CNTN3: variants seen among roughly 807,000 people sequenced by gnomAD.
CNTN3 encodes contactin-3.
CNTN3 carries 60 observed loss-of-function variants against 119.1 expected under a neutral mutation model. The ratio of observed to expected loss-of-function variants is 0.50; its 90% CI spans 0.41 to 0.62. The LOEUF (loss-of-function observed/expected upper bound fraction) is 0.62, where lower values mean the gene tolerates loss of function less well. Among genes scored for constraint, CNTN3 ranks in the 20% least tolerant of loss-of-function variants. The pLI, the probability that CNTN3 is intolerant of heterozygous loss-of-function variation, is 0.00. For synonymous variants in CNTN3, 450 were observed against 438.7 expected (o/e 1.03, Z -0.32); for missense variants, 1,101 against 1,242.4 (o/e 0.89, Z 1.71).
intron 4 of CNTN3, among the ~76,000 whole-genome samples, chr3:74,439,034 G>T (rs1182503730): frequency 6.6e-6 from 1 of 152,036 alleles, no homozygotes; most frequent in African/African-American, 2.4e-5. Context: ...CTGTGATCTG[G>T]CATTCAAAGA....
chr3:74,506,475 G>C (rs1703261955), intron 2 of CNTN3, among the ~76,000 whole-genome samples: 2 of 152,014 alleles, frequency 1.3e-5, no homozygotes, highest in Admixed American at 6.6e-5. Context: ...TTGGAGTCTT[G>C]GGAGATTAAA....
chr3:74,506,296 T>G (rs534472025), intron 2 of CNTN3, among the ~76,000 whole-genome samples: 1 of 152,306 alleles, frequency 6.6e-6, no homozygotes, highest in African/African-American at 2.4e-5. Context: ...AGAAGAGGAC[T>G]TGAGAGTACT....
At chr3:74,360,800 A>G (rs890169845) in intron 11 of CNTN3, among the ~76,000 whole-genome samples, 1 of 152,012 alleles carries the variant, frequency 6.6e-6, no homozygotes, top group East Asian at 1.9e-4. Context: ...GGTCTTTCTC[A>G]GGCTTCAGGT....
At chr3:74,544,145 T>C (rs1220968788) in intron 1 of CNTN3, among the ~76,000 whole-genome samples, 3 of 151,920 alleles carry the variant, frequency 2.0e-5, no homozygotes, top group African/African-American at 7.3e-5. Context: ...AGGCAGAAAA[T>C]ACATTGAGGC....
At chr3:74,479,321 A>G (rs1702719927) in intron 4 of CNTN3, among the ~76,000 whole-genome samples, 1 of 152,076 alleles carries the variant, frequency 6.6e-6, no homozygotes, top group Non-Finnish European at 1.5e-5. Context: ...TGCAAAAGTA[A>G]CTGTGTTTTT....
chr3:74,389,661 A>C (rs1704844391), intron 5 of CNTN3, among the ~76,000 whole-genome samples: 1 of 152,062 alleles, frequency 6.6e-6, no homozygotes, highest in Admixed American at 6.6e-5. Context: ...TACTGATGAG[A>C]GCATTGAGGC....
At position 74,369,875 on chromosome 3, in the gene CNTN3, G is replaced by C. The variant is rs1430178458; in HGVS notation, c.761+14C>G. On this transcript the variant is annotated intron_variant, in intron 7 of 22. Transcript: ENST00000263665. Reference sequence around the variant, plus strand: ...AATATTTCAGCACATAGGAGTAAATGTTATAAAACTTACTTTCCAAGGGCA... The same window carrying C: ...AATATTTCAGCACATAGGAGTAAATCTTATAAAACTTACTTTCCAAGGGCA... 3 of 1,438,156 alleles carry C rather than the reference G, an allele frequency of 2.1e-6. No homozygotes were observed. The East Asian group carries it at 6.9e-5, about 33-fold the overall frequency. The allele number at this position is 1,438,156 out of a possible 1,614,324, so 89.1% of individuals were successfully genotyped here.
At chr3:74,551,579 G>A (rs1423702124) in intron 1 of CNTN3, among the ~76,000 whole-genome samples, 1 of 151,544 alleles carries the variant, frequency 6.6e-6, no homozygotes, top group Non-Finnish European at 1.5e-5. Context: ...TAACATGCAG[G>A]AATCGTTTCA....
At chr3:74,469,621 G>C (rs1356724929) in intron 4 of CNTN3, among the ~76,000 whole-genome samples, 1 of 152,180 alleles carries the variant, frequency 6.6e-6, no homozygotes, top group Non-Finnish European at 1.5e-5. Flanking sequence ...TTAGTCATCA[G>C]GGAGATGTAA....
At chr3:74,432,857 C>A (rs545519910) in intron 4 of CNTN3, among the ~76,000 whole-genome samples, 2 of 152,110 alleles carry the variant, frequency 1.3e-5, no homozygotes, top group South Asian at 2.1e-4. Context: ...TATGTATAAA[C>A]CCCCTAAGGG....
intron 8 of CNTN3, among the ~76,000 whole-genome samples, chr3:74,367,304 T>A (rs1479812922): frequency 6.6e-6 from 1 of 152,062 alleles, no homozygotes; most frequent in Non-Finnish European, 1.5e-5. Flanking sequence ...GTCTACCTCT[T>A]TTACTAAGTA....
intron 4 of CNTN3, among the ~76,000 whole-genome samples, chr3:74,442,146 TACACACAC>T (rs567314995): frequency 4.0e-5 from 5 of 123,962 alleles, no homozygotes; most frequent in Non-Finnish European, 8.8e-5. Context: ...TGCATGCAAG[TACACACAC>T]ACACACACAC....
At chr3:74,386,347 G>A (rs182887649) in intron 5 of CNTN3, among the ~76,000 whole-genome samples, 29 of 152,254 alleles carry the variant, frequency 1.9e-4, no homozygotes, top group Admixed American at 1.7e-3. Context: ...ATGGCTGGGC[G>A]GTGGCTCACG....
intron 1 of CNTN3, among the ~76,000 whole-genome samples, chr3:74,575,822 A>G (rs1002040010): frequency 1.1e-4 from 17 of 151,932 alleles, no homozygotes; most frequent in Non-Finnish European, 1.9e-4. Flanking sequence ...CTATGAAGAT[A>G]CTAACTGTCC....
chr3:74,480,729 T>G (rs1702748803), intron 4 of CNTN3, among the ~76,000 whole-genome samples: 2 of 151,854 alleles, frequency 1.3e-5, no homozygotes, highest in Admixed American at 6.6e-5. Context: ...TAATGTCTAA[T>G]TCACAGGGTT....
intron 1 of CNTN3, among the ~76,000 whole-genome samples, chr3:74,594,886 T>G (rs1559672546): frequency 6.6e-6 from 1 of 152,002 alleles, no homozygotes; most frequent in African/African-American, 2.4e-5. Flanking sequence ...ACTTCCACAA[T>G]GGTTGAACTA....
chr3:74,534,663 A>T (rs1703738348), intron 1 of CNTN3, among the ~76,000 whole-genome samples: 2 of 152,070 alleles, frequency 1.3e-5, no homozygotes, highest in African/African-American at 2.4e-5. Flanking sequence ...ATAGAAGTGC[A>T]ATGTACTGTT....
chr3:74,569,384 A>G (rs1704275746), intron 1 of CNTN3, among the ~76,000 whole-genome samples: 1 of 151,932 alleles, frequency 6.6e-6, no homozygotes, highest in Non-Finnish European at 1.5e-5. Context: ...CACTCCAGAG[A>G]TCCCTGAAGC....
chr3:74,334,704 T>C (rs377765666), intron 13 of CNTN3, 31 bp downstream of exon 13: 8 of 1,592,824 alleles, frequency 5.0e-6, no homozygotes, highest in South Asian at 1.1e-5. Flanking sequence ...ACATGCAATA[T>C]AAAAAGTATG....
Sources: gnomAD v4.1 joint callset for allele counts (sites outside exome capture counted in the v4.1 genomes callset) on GRCh38, gnomAD v4.1.1 for gene constraint, MANE v1.5 for transcripts, NCBI Gene and HGNC (gene_info 2026-07-23, HGNC 2026-07-21) for gene names.